Variants in FSTL4 observed in about 807,000 individuals in gnomAD.
FSTL4 encodes the protein follistatin-related protein 4.
FSTL4 carries 28 observed loss-of-function variants against 78.2 expected under a neutral mutation model. That is an observed-to-expected ratio of 0.36 (90% confidence interval 0.27 to 0.49). The LOEUF (loss-of-function observed/expected upper bound fraction) is 0.49, where lower values mean the gene tolerates loss of function less well. FSTL4 is among the 20% of genes least tolerant of loss of function. FSTL4 has a pLI of 0.98. For missense variants in FSTL4, 922 were observed against 1,084.9 expected, an observed-to-expected ratio of 0.85 and a Z score of 2.11; for synonymous variants, 422 against 440.5, an observed-to-expected ratio of 0.96 and a Z score of 0.53.
intron 3 of FSTL4, among the ~76,000 whole-genome samples, chr5:133,554,565 G>A (rs11747858): frequency 0.4 from 60,761 of 152,016 alleles, 12,371 homozygotes; most frequent in African/African-American, 0.46. Context: ...CAGAATTCTC[G>A]TGGGCAAGAA....
intron 4 of FSTL4, among the ~76,000 whole-genome samples, chr5:133,340,870 A>C (rs1754564204): frequency 2.0e-5 from 3 of 152,140 alleles, no homozygotes; most frequent in Non-Finnish European, 2.9e-5. Context: ...ATTCACTCAG[A>C]TAACTCAACA....
At position 133,225,391 on chromosome 5, in the gene FSTL4, G is replaced by A. The variant is rs1223730676; in HGVS notation, c.1178-107C>T. On this transcript the variant is annotated intron_variant, in intron 9 of 15. Transcript: ENST00000265342. The surrounding 1 kb of genome is among the most constrained non-coding windows in gnomAD (Gnocchi z 4.6). Reference sequence around the variant, plus strand: ...GGGCTGCCCAGCCCCTGGGCAGCCAGCAGCCCTGATTATACGCCCAGGAAG... The same window carrying A: ...GGGCTGCCCAGCCCCTGGGCAGCCAACAGCCCTGATTATACGCCCAGGAAG... The A allele has an allele frequency of 7.3e-7, 1 of 1,377,892 alleles. No individual in the cohort carries two copies. 85.4% of individuals were successfully genotyped at this position (1,377,892 alleles called of 1,614,324 possible).
intron 3 of FSTL4, among the ~76,000 whole-genome samples, chr5:133,446,454 C>G (rs751176925): frequency 6.6e-6 from 1 of 152,276 alleles, no homozygotes; most frequent in East Asian, 1.9e-4. Flanking sequence ...CAACCCCTCA[C>G]GCTCTCGTCC....
At chr5:133,787,771 T>C in the FSTL4 span, among the ~76,000 whole-genome samples, 1 of 152,164 alleles carries the variant, frequency 6.6e-6, no homozygotes, top group African/African-American at 2.4e-5. Context: ...CAGCCTGTGC[T>C]CACTCTGCCC....
chr5:133,558,516 G>A (rs1019652502), intron 3 of FSTL4, among the ~76,000 whole-genome samples: 1 of 152,136 alleles, frequency 6.6e-6, no homozygotes. Flanking sequence ...GGAAGGCTGT[G>A]GGTCACTGTC....
intron 6 of FSTL4, among the ~76,000 whole-genome samples, chr5:133,259,948 T>G (rs1752479084): frequency 6.6e-6 from 1 of 152,116 alleles, no homozygotes. Context: ...ATCTTTGTCT[T>G]GATGATAACC....
At chr5:133,282,947 G>T (rs998629153) in intron 6 of FSTL4, among the ~76,000 whole-genome samples, 1 of 152,204 alleles carries the variant, frequency 6.6e-6, no homozygotes, top group African/African-American at 2.4e-5. Context: ...TCTTTCCAAA[G>T]AGATAGCCAT....
chr5:133,217,492 C>T (rs1157871426), intron 12 of FSTL4, 114 bp from the exon 13 acceptor site: 2 of 983,606 alleles, frequency 2.0e-6, no homozygotes, highest in Non-Finnish European at 3.0e-6. Flanking sequence ...TCTTAGAATC[C>T]TTTGGATCCA....
the FSTL4 span, among the ~76,000 whole-genome samples, chr5:133,702,987 G>T: frequency 6.6e-6 from 1 of 152,216 alleles, no homozygotes. Context: ...GCCCCACCGT[G>T]ATCTGTCTGC....
the FSTL4 span, among the ~76,000 whole-genome samples, chr5:133,762,177 G>C: frequency 6.6e-6 from 1 of 152,114 alleles, no homozygotes; most frequent in African/African-American, 2.4e-5. Flanking sequence ...TAAATCTTCA[G>C]GTTGGATTTT....
the FSTL4 span, among the ~76,000 whole-genome samples, chr5:133,644,123 A>T: frequency 6.6e-6 from 1 of 152,152 alleles, no homozygotes; most frequent in South Asian, 2.1e-4. Context: ...GGCCACAGGG[A>T]TGCACTGTGC....
At chr5:133,439,777 G>A (rs1015613590) in intron 3 of FSTL4, among the ~76,000 whole-genome samples, 1 of 152,204 alleles carries the variant, frequency 6.6e-6, no homozygotes, top group African/African-American at 2.4e-5. Context: ...TGGGAGAGCA[G>A]GCCACACCAC....
the FSTL4 span, among the ~76,000 whole-genome samples, chr5:133,630,393 G>A: frequency 0.059 from 9,040 of 152,030 alleles, 441 homozygotes; most frequent in African/African-American, 0.13. Context: ...CCCATTCACC[G>A]TTGCTACAAA....
At chr5:133,600,666 T>C (rs1440956281) in intron 2 of FSTL4, among the ~76,000 whole-genome samples, 2 of 152,240 alleles carry the variant, frequency 1.3e-5, no homozygotes, top group Non-Finnish European at 2.9e-5. Flanking sequence ...ATAATTGCTT[T>C]AAAAATATGT....
chr5:133,598,522 A>G (rs1267359219), intron 2 of FSTL4, among the ~76,000 whole-genome samples: 1 of 151,990 alleles, frequency 6.6e-6, no homozygotes, highest in Non-Finnish European at 1.5e-5. Context: ...TGTACTGATA[A>G]CGTCTATAGG....
chr5:133,478,382 C>G (rs1242364940), intron 3 of FSTL4, among the ~76,000 whole-genome samples: 1 of 152,218 alleles, frequency 6.6e-6, no homozygotes, highest in Non-Finnish European at 1.5e-5. Context: ...TGTCTCTGGA[C>G]TGCTTCCATA....
chr5:133,702,547 G>A, the FSTL4 span, among the ~76,000 whole-genome samples: 1 of 152,150 alleles, frequency 6.6e-6, no homozygotes, highest in African/African-American at 2.4e-5. Flanking sequence ...AGTGGGAACA[G>A]GCAGGAATAC....
intron 3 of FSTL4, among the ~76,000 whole-genome samples, chr5:133,507,704 G>A (rs1580753678): frequency 6.6e-6 from 1 of 151,784 alleles, no homozygotes; most frequent in Non-Finnish European, 1.5e-5. Flanking sequence ...TGTATTTTTA[G>A]TAGAGATGGG....
intron 3 of FSTL4, among the ~76,000 whole-genome samples, chr5:133,552,214 C>T (rs74552561): frequency 0.011 from 1,653 of 152,296 alleles, 26 homozygotes; most frequent in African/African-American, 0.038. Flanking sequence ...AAGTTCTATA[C>T]CTTAGTACAA....
Sources: gnomAD v4.1 joint callset for allele counts (sites outside exome capture counted in the v4.1 genomes callset) on GRCh38, gnomAD v4.1.1 for gene constraint, Gnocchi (gnomAD v3.1) non-coding constraint, MANE v1.5 for transcripts, NCBI Gene and HGNC (gene_info 2026-07-23, HGNC 2026-07-21) for gene names.